PPARGC1B: variants seen among roughly 807,000 people sequenced by gnomAD.
The protein encoded by PPARGC1B is PPARG coactivator 1 beta.
Under a neutral mutation model 101.6 loss-of-function variants are expected in PPARGC1B, and 34 were observed. That is an observed-to-expected ratio of 0.33 (90% CI 0.25 to 0.45). PPARGC1B has a LOEUF of 0.45. Among genes scored for constraint, PPARGC1B ranks in the 20% least tolerant of loss-of-function variants. The pLI is 1.00. For missense variants in PPARGC1B, 1,234 were observed against 1,317.6 expected, an observed-to-expected ratio of 0.94 and a Z score of 0.98; for synonymous variants, 548 against 539.3, an observed-to-expected ratio of 1.02 and a Z score of -0.22.
At chr5:149,827,724 T>G (rs1758586098) in intron 3 of PPARGC1B, among the ~76,000 whole-genome samples, 1 of 152,156 alleles carries the variant, frequency 6.6e-6, no homozygotes, top group Admixed American at 6.5e-5. Context: ...TGTGAGCGTG[T>G]GCGGAATGTG....
Position 149,826,902 on chromosome 5 carries a change from A to G in PPARGC1B, c.465+17A>G, listed in dbSNP as rs1758550631. 6.4e-7 allele frequency: 1 copy of G among 1,573,008 alleles called. No homozygotes were observed. Among genetic ancestry groups the G allele is most frequent in the South Asian group, 1.1e-5 (1 of 88,002 alleles). ...CTCTCACTGGTAAGAACCTACTTAC[A>G]GCAGAAGTGATGGTTGCAGCCTGGG... On this transcript the variant is annotated intron_variant, in intron 3 of 11. Coordinates refer to ENST00000309241, the MANE Select transcript of PPARGC1B (RefSeq NM_133263.4).
rs1329478066 is a variant in PPARGC1B, at chr5:149,832,492, C to T, written c.583-164C>T. The stretch of plus-strand genomic sequence containing the variant: ...TCATTCCTCATCCACTGAGCACAGC[C>T]AGGTGCCCGGCTCTGTGTGGGAAGC... On this transcript the variant is annotated intron_variant, in intron 4 of 11. Coordinates refer to ENST00000309241, the MANE Select transcript of PPARGC1B (RefSeq NM_133263.4). The surrounding 1 kb of genome is among the most constrained non-coding windows in gnomAD (Gnocchi z 4.9). Among the ~76,000 whole-genome samples the T allele has an allele frequency of 6.6e-6, 1 of 152,132 alleles. No individual in the cohort carries two copies. Among genetic ancestry groups the T allele is most frequent in the Non-Finnish European group, 1.5e-5 (1 of 68,028 alleles).
intron 1 of PPARGC1B, among the ~76,000 whole-genome samples, chr5:149,750,289 A>AT (rs919958527): frequency 2.8e-4 from 41 of 145,724 alleles, no homozygotes; most frequent in South Asian, 6.5e-4. Flanking sequence ...TTCAGGCCAG[A>AT]TTTTTTTTTT....
chr5:149,737,461 T>C (rs1047444408), intron 1 of PPARGC1B, among the ~76,000 whole-genome samples: 3 of 152,144 alleles, frequency 2.0e-5, no homozygotes, highest in African/African-American at 7.2e-5. Flanking sequence ...ATTTCCATGA[T>C]TCATCCTGCG....
At chr5:149,781,704 G>T (rs1756607259) in intron 1 of PPARGC1B, among the ~76,000 whole-genome samples, 1 of 152,200 alleles carries the variant, frequency 6.6e-6, no homozygotes. Context: ...GGGAGCAACA[G>T]AATGATGGGG....
In PPARGC1B at chr5:149,853,586, T is replaced by C. The variant is rs1759847494; in HGVS notation, c.*6028T>C. 1 of 152,262 alleles carries C rather than the reference T, an allele frequency of 6.6e-6. No individual in the cohort carries two copies. The highest frequency in any genetic ancestry group is 2.1e-4 in the South Asian group (1 of 4,836). 9.4% of individuals were successfully genotyped at this position (152,262 alleles called of 1,614,324 possible). ...AGATAAGAAGTTGGGTGTAAGGATT[T>C]TGTGGGGGGCCTGGCCATGATCTTT... On this transcript the variant is annotated 3_prime_UTR_variant, in exon 12 of 12. Transcript: ENST00000309241. The surrounding 1 kb of genome is among the most constrained non-coding windows in gnomAD (Gnocchi z 4.2).
chr5:149,763,526 GTTTTTTTTTT>G (rs70973540), intron 1 of PPARGC1B, among the ~76,000 whole-genome samples: 1 of 67,726 alleles, frequency 1.5e-5, no homozygotes, highest in African/African-American at 6.0e-5. Flanking sequence ...TTCACTCCTG[GTTTTTTTTTT>G]TTTTTTTTTT....
At chr5:149,810,247 G>A (rs1757802752) in intron 1 of PPARGC1B, among the ~76,000 whole-genome samples, 1 of 152,222 alleles carries the variant, frequency 6.6e-6, no homozygotes, top group African/African-American at 2.4e-5. Context: ...GACACAATGT[G>A]TATATTACCC....
At chr5:149,755,052 C>CATACATATATATATAT (rs1554132275) in intron 1 of PPARGC1B, among the ~76,000 whole-genome samples, 4 of 108,954 alleles carry the variant, frequency 3.7e-5, no homozygotes, top group African/African-American at 7.5e-5. Context: ...TATACATATA[C>CATACATATATATATAT]ATATATATAT....
chr5:149,802,783 T>G (rs1192612670), intron 1 of PPARGC1B, among the ~76,000 whole-genome samples: 1 of 152,140 alleles, frequency 6.6e-6, no homozygotes, highest in Non-Finnish European at 1.5e-5. Context: ...AACTTAAATG[T>G]GCCTATGAAT....
intron 1 of PPARGC1B, among the ~76,000 whole-genome samples, chr5:149,814,653 T>C (rs888575529): frequency 1.3e-5 from 2 of 152,224 alleles, no homozygotes; most frequent in Non-Finnish European, 2.9e-5. Context: ...GATTTGCTGA[T>C]TATAGCCAGG....
intron 1 of PPARGC1B, chr5:149,817,625 G>A (rs1018850360): frequency 9.5e-6 from 4 of 419,608 alleles, no homozygotes; most frequent in African/African-American, 4.1e-5. Context: ...GTCAACTCAC[G>A]GAGGAAGGAG....
At chr5:149,749,765 C>T (rs748984944) in intron 1 of PPARGC1B, among the ~76,000 whole-genome samples, 7 of 152,290 alleles carry the variant, frequency 4.6e-5, no homozygotes, top group Middle Eastern at 3.4e-3. Context: ...GGTCTCGCCC[C>T]CTCTCTGGCC....
chr5:149,826,704 A>G lies in PPARGC1B; in HGVS notation c.284A>G (p.Glu95Gly), dbSNP rs747056544. The change falls in exon 3 of 12, where the codon GAG becomes GGG. Residue 95 changes from glutamate (E) to glycine (G), a missense_variant. Glu to Gly is a moderately conservative substitution (Grantham distance 98). Around this residue, in one of 3 missense-constraint regions of PPARGC1B, gnomAD observed 734 missense variants for 768.4 expected, o/e 0.96. Coordinates refer to ENST00000309241, the MANE Select transcript of PPARGC1B (RefSeq NM_133263.4). ...IDSENEALLA[E>G]LTKTLDDIPE... The stretch of plus-strand genomic sequence containing the variant: ...AGTGAGAATGAGGCCCTCCTGGCAG[A>G]GCTCACCAAGACCCTGGATGACATC... The G allele has an allele frequency of 6.2e-7, 1 of 1,613,234 alleles. No homozygotes were observed. Among genetic ancestry groups the G allele is most frequent in the South Asian group, 1.1e-5 (1 of 91,040 alleles).
chr5:149,844,812 G>A (rs1759490316), intron 10 of PPARGC1B, among the ~76,000 whole-genome samples: 1 of 152,250 alleles, frequency 6.6e-6, no homozygotes, highest in South Asian at 2.1e-4. Flanking sequence ...TTACATAGCA[G>A]ATGATATGTC....
chr5:149,825,874 C>G (rs1758498820), intron 2 of PPARGC1B, among the ~76,000 whole-genome samples: 1 of 152,192 alleles, frequency 6.6e-6, no homozygotes, highest in Non-Finnish European at 1.5e-5. Flanking sequence ...GTAACAGTAG[C>G]AGCACTAGCA....
In PPARGC1B at chr5:149,834,657, C is replaced by T; in HGVS notation, c.1706-17C>T. On this transcript the variant is annotated splice_polypyrimidine_tract_variant and intron_variant, in intron 5 of 11. Transcript: ENST00000309241. ...TACCATATTGGGGAATCTTATTTTT[C>T]TGTGTCTTCTTTTCAGACTCTCCCA... 6.2e-7 allele frequency: 1 copy of T among 1,612,302 alleles called. No individual in the cohort carries two copies. The highest frequency in any genetic ancestry group is 8.5e-7 in the Non-Finnish European group (1 of 1,178,442).
intron 1 of PPARGC1B, among the ~76,000 whole-genome samples, chr5:149,775,121 G>A (rs185173619): frequency 6.6e-6 from 1 of 152,224 alleles, no homozygotes; most frequent in African/African-American, 2.4e-5. Context: ...TCCCTACTGT[G>A]GAGGCCTCCT....
At chr5:149,764,360 A>G (rs999560384) in intron 1 of PPARGC1B, among the ~76,000 whole-genome samples, 1 of 152,190 alleles carries the variant, frequency 6.6e-6, no homozygotes, top group African/African-American at 2.4e-5. Context: ...CCAGCCCTGC[A>G]CTGGAGGCTG....
Sources: allele counts gnomAD v4.1 joint callset (sites outside exome capture counted in the v4.1 genomes callset), GRCh38; gene constraint gnomAD v4.1.1; regional missense constraint gnomAD v4.1.1; non-coding constraint Gnocchi (gnomAD v3.1); transcripts MANE v1.5; gene names NCBI Gene and HGNC (gene_info 2026-07-23, HGNC 2026-07-21).